Variants in RAB5B observed in about 807,000 individuals in gnomAD.
RAB5B encodes RAB5B, member RAS oncogene family, also known as ras-related protein Rab-5B.
In RAB5B, 11 loss-of-function variants were observed where a neutral mutation model predicts 28.6. The ratio of observed to expected loss-of-function variants is 0.38; its 90% CI spans 0.24 to 0.64. The LOEUF (loss-of-function observed/expected upper bound fraction) is 0.64, where lower values mean the gene tolerates loss of function less well. RAB5B is among the 30% of genes least tolerant of loss of function. The probability of loss-of-function intolerance (pLI) is 0.53; values close to 1 mark genes in which losing one functional copy is unlikely to be tolerated. For synonymous variants in RAB5B, 93 were observed against 97.9 expected (o/e 0.95, Z 0.29); for missense variants, 169 against 265.6 (o/e 0.64, Z 2.53).
chr12:55,986,937 CT>C lies in RAB5B; in HGVS notation c.-21del. Reference sequence around the variant, plus strand: ...TTTACAGTATCCCCCTCCCTCCACCCTTTCCCATTCTGATAATCTGGCCATG... The same window carrying C: ...TTTACAGTATCCCCCTCCCTCCACCCTTCCCATTCTGATAATCTGGCCATG... On this transcript the variant is annotated 5_prime_UTR_variant, in exon 2 of 6. Transcript: ENST00000360299. The C allele has an allele frequency of 6.3e-7, 1 of 1,576,682 alleles. No individual in the cohort carries two copies. The highest frequency in any genetic ancestry group is 8.7e-7 in the Non-Finnish European group (1 of 1,150,212).
intron 1 of RAB5B, among the ~76,000 whole-genome samples, chr12:55,975,663 C>T (rs1469957140): frequency 2.0e-5 from 3 of 151,942 alleles, no homozygotes; most frequent in African/African-American, 7.3e-5. Flanking sequence ...GGAGTACCCT[C>T]CTCCCCACAT....
intron 1 of RAB5B, chr12:55,985,694 C>G (rs1159896905): frequency 2.2e-6 from 1 of 455,910 alleles, no homozygotes; most frequent in East Asian, 6.9e-5. Context: ...CCTATACCAT[C>G]CTCTGGAGAC....
chr12:55,987,148 ATTGAATGT>A (rs1347175254), intron 2 of RAB5B, 25 bp downstream of exon 2: 14 of 1,570,722 alleles, frequency 8.9e-6, no homozygotes, highest in African/African-American at 1.4e-5. Context: ...GTAATAGGAG[ATTGAATGT>A]TTGGTAAGGG....
chr12:55,990,306 G>T, intron 3 of RAB5B: 1 of 521,102 alleles, frequency 1.9e-6, no homozygotes, highest in South Asian at 2.1e-5. Flanking sequence ...TACTCGGGAG[G>T]CTGAGGCAGG....
At chr12:55,989,878 A>T in intron 2 of RAB5B, 69 bp from the exon 3 acceptor site, 1 of 1,527,996 alleles carries the variant, frequency 6.5e-7, no homozygotes, top group Non-Finnish European at 9.1e-7. Flanking sequence ...TACATTTTGA[A>T]GGGGGGGAGG....
chr12:55,976,675 T>C (rs934001736), intron 1 of RAB5B, among the ~76,000 whole-genome samples: 42 of 152,216 alleles, frequency 2.8e-4, no homozygotes, highest in Admixed American at 9.8e-4. Flanking sequence ...TCTTTTCTTC[T>C]ATTTTTAGAG....
At chr12:55,991,475 G>A in intron 5 of RAB5B, 22 bp downstream of exon 5, 1 of 1,592,218 alleles carries the variant, frequency 6.3e-7, no homozygotes, top group Middle Eastern at 1.7e-4. Flanking sequence ...ACATCCTGAG[G>A]TCCTCCTTTT....
chr12:55,985,235 G>C (rs1241534583), intron 1 of RAB5B, among the ~76,000 whole-genome samples: 2 of 152,116 alleles, frequency 1.3e-5, no homozygotes, highest in African/African-American at 4.8e-5. Context: ...CCTCCTGTAT[G>C]ATTTTCTGTC....
chr12:55,980,288 C>G (rs1239219560), intron 1 of RAB5B: 7 of 692,372 alleles, frequency 1.0e-5, no homozygotes, highest in African/African-American at 3.6e-5. Context: ...CCCTTTTCTC[C>G]TTTTTCTCCT....
chr12:55,986,608 C>T (rs935684303), intron 1 of RAB5B, among the ~76,000 whole-genome samples: 2 of 152,160 alleles, frequency 1.3e-5, no homozygotes, highest in Non-Finnish European at 2.9e-5. Context: ...TGGGGAATTA[C>T]TGGGGAATTA....
At chr12:55,988,329 C>T (rs1890013033) in intron 2 of RAB5B, among the ~76,000 whole-genome samples, 1 of 151,412 alleles carries the variant, frequency 6.6e-6, no homozygotes, top group Non-Finnish European at 1.5e-5. Context: ...GAGACTGTTT[C>T]AAAAACAAAA....
chr12:55,990,362 C>T (rs1280110916), intron 3 of RAB5B: 11 of 464,882 alleles, frequency 2.4e-5, no homozygotes, highest in East Asian at 1.3e-4. Context: ...GAGCCGAGAT[C>T]GAGCCACTGC....
intron 1 of RAB5B, chr12:55,985,684 C>T: frequency 2.2e-6 from 1 of 455,960 alleles, no homozygotes; most frequent in Non-Finnish European, 4.4e-6. Flanking sequence ...GACTTAACGC[C>T]CTATACCATC....
In RAB5B at chr12:55,990,704, C is replaced by A. The variant is rs764173585; in HGVS notation, c.338C>A (p.Thr113Lys). The A allele has an allele frequency of 6.2e-7, 1 of 1,613,930 alleles. No individual in the cohort carries two copies. The highest frequency in any genetic ancestry group is 2.2e-5 in the East Asian group (1 of 44,878). Residue 113 changes from threonine (T) to lysine (K), a missense_variant, in exon 4 of 6, where the codon ACA (threonine) becomes AAA (lysine). Thr to Lys is a moderately conservative substitution (Grantham distance 78). This residue lies in a region of RAB5B where 123 missense variants were observed against 162.4 expected (regional missense o/e 0.76). Transcript: ENST00000360299. ...TAGGAAACCTTTGCCCGAGCAAAGA[C>A]ATGGGTGAAGGAACTACAGCGACAG... is the stretch of plus-strand genomic sequence containing the variant. Reference protein sequence around the residue: ...TNQETFARAKTWVKELQRQAS... With the variant: ...TNQETFARAKKWVKELQRQAS...
Position 55,992,184 on chromosome 12 carries a change from A to G in RAB5B, c.620A>G (p.Gln207Arg). 1.2e-6 allele frequency: 2 copies of G among 1,611,526 alleles called. No individual in the cohort carries two copies. The highest frequency in any genetic ancestry group is 2.2e-5 in the East Asian group (1 of 44,682). ...GTGGATCTCCATGAACAGTCCCAGCAGAACAAGAGCCAGTGTTGTAGCAAC... is the reference window on the plus strand; with the variant it reads ...GTGGATCTCCATGAACAGTCCCAGCGGAACAAGAGCCAGTGTTGTAGCAAC... ...RGVDLHEQSQQNKSQCCSN is the reference protein window; with the variant it reads ...RGVDLHEQSQRNKSQCCSN Residue 207 changes from glutamine to arginine, a missense_variant, in exon 6 of 6, where the codon CAG (glutamine) becomes CGG (arginine). By Grantham distance (43) the Gln-to-Arg change is conservative. Coordinates refer to ENST00000360299, the MANE Select transcript of RAB5B (RefSeq NM_002868.4).
chr12:55,976,278 TTC>T (rs1174217737), intron 1 of RAB5B, among the ~76,000 whole-genome samples: 1 of 152,146 alleles, frequency 6.6e-6, no homozygotes, highest in Non-Finnish European at 1.5e-5. Context: ...GTCTTATTCT[TTC>T]TACAGTTTTC....
chr12:55,990,422 AAAG>A (rs1565789539), intron 3 of RAB5B, among the ~76,000 whole-genome samples: 3 of 152,036 alleles, frequency 2.0e-5, no homozygotes, highest in African/African-American at 7.3e-5. Flanking sequence ...AAAAAAGAAA[AAAG>A]ACTGTCCTTG....
rs1423886421 is a variant in RAB5B at position 55,995,944 on chromosome 12, TCTCTCTCTCTCTCA to T, written c.*3746_*3759del. 1 of 137,370 alleles carries T rather than the reference TCTCTCTCTCTCTCA, an allele frequency of 7.3e-6. No individual in the cohort carries two copies. Among genetic ancestry groups the T allele is most frequent in the Non-Finnish European group, 1.6e-5 (1 of 64,512 alleles). 8.5% of individuals were successfully genotyped at this position (137,370 alleles called of 1,614,324 possible). ...CTCTCTCTCTCCCTCTTTCTCCCTC[TCTCTCTCTCTCTCA>T]CTCTCTCTCTCTCCATATATATATA... On this transcript the variant is annotated 3_prime_UTR_variant, in exon 6 of 6. Coordinates refer to ENST00000360299, the MANE Select transcript of RAB5B (RefSeq NM_002868.4).
intron 2 of RAB5B, among the ~76,000 whole-genome samples, 180 bp downstream of exon 2, chr12:55,987,303 G>A (rs761499790): frequency 5.3e-5 from 8 of 151,890 alleles, no homozygotes; most frequent in East Asian, 3.9e-4. Context: ...TGGGATTACA[G>A]GTGCACACCG....
Sources: allele counts gnomAD v4.1 joint callset (sites outside exome capture counted in the v4.1 genomes callset), GRCh38; gene constraint gnomAD v4.1.1; regional missense constraint gnomAD v4.1.1; transcripts MANE v1.5; gene names NCBI Gene and HGNC (gene_info 2026-07-23, HGNC 2026-07-21).